Variants in LYRM4 observed in about 807,000 individuals in gnomAD.
LYRM4 encodes the protein LYR motif-containing protein 4.
A neutral mutation model predicts 11.7 loss-of-function variants in LYRM4; 9 were observed. That is an observed-to-expected ratio of 0.77 (90% confidence interval 0.46 to 1.34). The LOEUF (loss-of-function observed/expected upper bound fraction) is 1.34, where lower values mean the gene tolerates loss of function less well. Ranked by LOEUF, LYRM4 falls within the 40% of genes most tolerant of loss-of-function variation. LYRM4 has a pLI of 0.00. For synonymous variants in LYRM4, 42 were observed against 40.4 expected (o/e 1.04, Z -0.15); for missense variants, 133 against 112.5 (o/e 1.18, Z -0.82).
the LYRM4 span, chr6:5,085,655 G>C: frequency 1.9e-6 from 3 of 1,548,560 alleles, no homozygotes; most frequent in African/African-American, 1.4e-5. Flanking sequence ...CTAGGGGATA[G>C]GCCCCTGTCC....
chr6:5,166,707 G>A (rs914721411), intron 2 of LYRM4, among the ~76,000 whole-genome samples: 1 of 152,194 alleles, frequency 6.6e-6, no homozygotes, highest in African/African-American at 2.4e-5. Context: ...TTGGAGACAG[G>A]AGGAAAGTGA....
chr6:5,260,645 C>A lies in LYRM4; in HGVS notation c.86+3G>T. 1.5e-6 allele frequency: 2 copies of A among 1,334,398 alleles called. No individual in the cohort carries two copies. Among genetic ancestry groups the A allele is most frequent in the South Asian group, 2.5e-5 (2 of 79,810 alleles). The allele number at this position is 1,334,398 out of a possible 1,614,324, so 82.7% of individuals were successfully genotyped here. A position where few individuals can be genotyped will look rare whatever the true frequency, so the allele number is the denominator to read the frequency against. Reference sequence around the variant, plus strand: ...CCCCGGCCCCCGGTGCCCGCTGGGTCACCTGTAATTGTAGGCGCTGAAACG... The same window carrying A: ...CCCCGGCCCCCGGTGCCCGCTGGGTAACCTGTAATTGTAGGCGCTGAAACG... On this transcript the variant is annotated splice_donor_region_variant and intron_variant, in intron 1 of 2. Coordinates refer to ENST00000330636, the MANE Select transcript of LYRM4 (RefSeq NM_020408.6).
chr6:5,036,289 A>C, the LYRM4 span, among the ~76,000 whole-genome samples: 1 of 152,182 alleles, frequency 6.6e-6, no homozygotes, highest in Non-Finnish European at 1.5e-5. Context: ...GAGCCAGAGG[A>C]GATCTTAATT....
chr6:5,126,806 G>C (rs1316598405), intron 2 of LYRM4, among the ~76,000 whole-genome samples: 1 of 152,190 alleles, frequency 6.6e-6, no homozygotes, highest in Non-Finnish European at 1.5e-5. Context: ...GGGCAGGTTA[G>C]TGGCTGGGGA....
intron 2 of LYRM4, chr6:5,138,678 G>GAAAATATC: frequency 6.6e-7 from 1 of 1,509,128 alleles, no homozygotes; most frequent in Non-Finnish European, 8.9e-7. Context: ...GAAAACACAA[G>GAAAATATC]AAAATATCAA....
chr6:5,252,279 C>T (rs750721726), intron 1 of LYRM4, among the ~76,000 whole-genome samples: 10 of 152,292 alleles, frequency 6.6e-5, no homozygotes, highest in South Asian at 6.2e-4. Flanking sequence ...CGGCAGCCCA[C>T]GGGGAGCGAG....
intron 2 of LYRM4, among the ~76,000 whole-genome samples, chr6:5,205,365 T>A (rs182845710): frequency 9.2e-5 from 14 of 152,040 alleles, no homozygotes; most frequent in Non-Finnish European, 1.6e-4. Context: ...TCCTGCAATC[T>A]GGCTGGAGAG....
At chr6:5,066,749 C>T in the LYRM4 span, 1 of 754,218 alleles carries the variant, frequency 1.3e-6, no homozygotes, top group South Asian at 1.6e-5. Flanking sequence ...CAGCCAATCT[C>T]CGATTGGTTA....
the LYRM4 span, among the ~76,000 whole-genome samples, chr6:5,073,781 G>T: frequency 6.6e-6 from 1 of 152,062 alleles, no homozygotes; most frequent in Non-Finnish European, 1.5e-5. Flanking sequence ...AGGGAGCGTT[G>T]GCAAGAGACC....
intron 2 of LYRM4, among the ~76,000 whole-genome samples, chr6:5,160,700 C>G (rs1371379610): frequency 6.6e-6 from 1 of 151,606 alleles, no homozygotes; most frequent in Non-Finnish European, 1.5e-5. Flanking sequence ...ACCTCTTTTT[C>G]TTAGAAGTTA....
At chr6:5,070,404 A>G in the LYRM4 span, among the ~76,000 whole-genome samples, 2 of 152,346 alleles carry the variant, frequency 1.3e-5, no homozygotes, top group Admixed American at 6.5e-5. Flanking sequence ...GTTTACTAAC[A>G]GTATTATTGC....
At chr6:5,053,844 A>G in the LYRM4 span, among the ~76,000 whole-genome samples, 4 of 152,300 alleles carry the variant, frequency 2.6e-5, no homozygotes, top group South Asian at 4.1e-4. Flanking sequence ...TCAAGCATAT[A>G]TACATTCACT....
chr6:5,175,623 A>G (rs1759670984), intron 2 of LYRM4, among the ~76,000 whole-genome samples: 1 of 152,178 alleles, frequency 6.6e-6, no homozygotes, highest in African/African-American at 2.4e-5. Flanking sequence ...ACAGGGTCAC[A>G]CATTTTGTGA....
intron 2 of LYRM4, among the ~76,000 whole-genome samples, chr6:5,110,318 A>G (rs1411643220): frequency 9.5e-6 from 1 of 105,662 alleles, no homozygotes; most frequent in African/African-American, 4.0e-5. Context: ...CAGAGCAGCC[A>G]GGGGTCAACA....
At chr6:5,086,200 G>A in the LYRM4 span, 6 of 1,534,514 alleles carry the variant, frequency 3.9e-6, no homozygotes, top group Non-Finnish European at 5.2e-6. Flanking sequence ...CTCCGGCCGG[G>A]TGCTCAGCTG....
the LYRM4 span, among the ~76,000 whole-genome samples, chr6:5,083,354 CAGGA>C: frequency 6.6e-6 from 1 of 152,186 alleles, no homozygotes; most frequent in Non-Finnish European, 1.5e-5. Context: ...AGAGTTGCTG[CAGGA>C]AGACAGGCCG....
intron 1 of LYRM4, among the ~76,000 whole-genome samples, chr6:5,233,249 C>T (rs940171845): frequency 6.6e-6 from 1 of 152,214 alleles, no homozygotes; most frequent in Non-Finnish European, 1.5e-5. Context: ...TGCCTACTTG[C>T]GCTTCTGCAA....
At chr6:5,058,445 AC>A in the LYRM4 span, among the ~76,000 whole-genome samples, 1 of 151,726 alleles carries the variant, frequency 6.6e-6, no homozygotes, top group Non-Finnish European at 1.5e-5. Context: ...CGTTCTCCAA[AC>A]CACAGCCACA....
chr6:5,222,393 C>T (rs969181254), intron 1 of LYRM4, among the ~76,000 whole-genome samples: 3 of 152,148 alleles, frequency 2.0e-5, no homozygotes, highest in African/African-American at 4.8e-5. Context: ...TCAAGAAATA[C>T]ATACTAAATG....
Sources: gnomAD v4.1 joint callset for allele counts (sites outside exome capture counted in the v4.1 genomes callset) on GRCh38, gnomAD v4.1.1 for gene constraint, MANE v1.5 for transcripts, NCBI Gene and HGNC (gene_info 2026-07-23, HGNC 2026-07-21) for gene names.